The following CSMD2 variants were observed in gnomAD, a reference collection of about 807,000 sequenced individuals.
The protein encoded by CSMD2 is CUB and Sushi multiple domains 2, also known as CUB and sushi domain-containing protein 2.
A neutral mutation model predicts 398.5 loss-of-function variants in CSMD2; 130 were observed. The ratio of observed to expected loss-of-function variants is 0.33; its 90% CI spans 0.28 to 0.38. The LOEUF is 0.38. Ranked by LOEUF, CSMD2 falls within the 10% of genes least tolerant of loss-of-function variation. The pLI, the probability that CSMD2 is intolerant of heterozygous loss-of-function variation, is 1.00. For synonymous variants in CSMD2, 1,828 were observed against 1,908.5 expected, an observed-to-expected ratio of 0.96 and a Z score of 1.10; for missense variants, 3,829 against 4,764.9, an observed-to-expected ratio of 0.80 and a Z score of 5.78.
chr1:33,701,612 T>C (rs2149123843), intron 22 of CSMD2, among the ~76,000 whole-genome samples: 1 of 152,378 alleles, frequency 6.6e-6, no homozygotes, highest in South Asian at 2.1e-4. Flanking sequence ...GAAGCAAAGC[T>C]TTCTAAAAGA....
intron 10 of CSMD2, among the ~76,000 whole-genome samples, chr1:33,802,851 A>G (rs1452051050): frequency 6.6e-6 from 1 of 151,894 alleles, no homozygotes; most frequent in African/African-American, 2.4e-5. Context: ...ATTTTTTCCT[A>G]AGCCTACTAA....
chr1:33,895,251 C>T (rs1248649573), intron 5 of CSMD2, among the ~76,000 whole-genome samples: 3 of 152,242 alleles, frequency 2.0e-5, no homozygotes, highest in African/African-American at 4.8e-5. Flanking sequence ...CCCCAAATCC[C>T]GGAGCAGAGC....
At chr1:33,721,254 A>G (rs1022196611) in intron 19 of CSMD2, among the ~76,000 whole-genome samples, 13 of 152,154 alleles carry the variant, frequency 8.5e-5, no homozygotes, top group Non-Finnish European at 1.5e-5. Context: ...GTCATGCTAT[A>G]TACTGAGATC....
intron 8 of CSMD2, 127 bp downstream of exon 8, chr1:33,820,342 G>A: frequency 1.4e-6 from 1 of 711,120 alleles, no homozygotes; most frequent in African/African-American, 1.8e-5. Flanking sequence ...TCTTCTCCAG[G>A]AAGTGTCTGT....
intron 5 of CSMD2, among the ~76,000 whole-genome samples, chr1:33,874,167 A>G (rs1267059855): frequency 7.2e-5 from 11 of 152,228 alleles, no homozygotes; most frequent in Non-Finnish European, 1.5e-5. Flanking sequence ...ACAGTGCTCT[A>G]AAATTTAACA....
chr1:33,940,163 A>G (rs1230720691), intron 3 of CSMD2, among the ~76,000 whole-genome samples: 1 of 152,086 alleles, frequency 6.6e-6, no homozygotes, highest in Non-Finnish European at 1.5e-5. Context: ...CTTGGCTTGC[A>G]GATGCGTCAT....
At chr1:34,109,053 C>G (rs1660793730) in intron 1 of CSMD2, among the ~76,000 whole-genome samples, 1 of 152,124 alleles carries the variant, frequency 6.6e-6, no homozygotes, top group Non-Finnish European at 1.5e-5. Flanking sequence ...GCAGCCCAAC[C>G]CCCTCATTCC....
At position 33,649,773 on chromosome 1, in the gene CSMD2, T is replaced by C. The variant is rs545155622; in HGVS notation, c.4586+2550A>G. 3.3e-5 allele frequency among the ~76,000 whole-genome samples: 5 copies of C among 152,366 alleles called. No homozygotes were observed. In the South Asian group the frequency reaches 6.2e-4, roughly 19 times the overall value. The stretch of plus-strand genomic sequence containing the variant: ...TGTTGATGATACTGAGGACTTACTG[T>C]ACTCTATTTGAGATTGAGAGTAAAA... On this transcript the variant is annotated intron_variant, in intron 28 of 70. Coordinates refer to ENST00000373381, the MANE Select transcript of CSMD2 (RefSeq NM_001281956.2).
chr1:34,093,421 G>A (rs200035144), intron 1 of CSMD2, among the ~76,000 whole-genome samples: 2,678 of 152,246 alleles, frequency 0.018, 42 homozygotes, highest in East Asian at 0.052. Context: ...TGACTTTGAC[G>A]AGCTGAGAGA....
At chr1:33,554,427 T>C (rs1411469924) in intron 55 of CSMD2, among the ~76,000 whole-genome samples, 1 of 152,062 alleles carries the variant, frequency 6.6e-6, no homozygotes, top group Non-Finnish European at 1.5e-5. Context: ...TCTCCTGATC[T>C]TGTGATCCAC....
chr1:34,052,432 A>G (rs537919915), intron 2 of CSMD2, among the ~76,000 whole-genome samples: 1 of 148,082 alleles, frequency 6.8e-6, no homozygotes, highest in Non-Finnish European at 1.5e-5. Context: ...TAAGGGACTT[A>G]AGCATCTGCA....
intron 56 of CSMD2, 109 bp from the exon 57 acceptor site, chr1:33,546,328 A>G: frequency 9.1e-7 from 1 of 1,100,666 alleles, no homozygotes; most frequent in African/African-American, 1.6e-5. Flanking sequence ...AGTGGGTCCC[A>G]CGAATGAGGC....
At chr1:34,070,244 A>T (rs1029740676) in intron 2 of CSMD2, among the ~76,000 whole-genome samples, 4 of 152,228 alleles carry the variant, frequency 2.6e-5, no homozygotes, top group African/African-American at 9.6e-5. Flanking sequence ...CTTCTTGCCT[A>T]AGTGCAGGCA....
At position 33,714,717 on chromosome 1, in the gene CSMD2, G is replaced by A. The variant is rs202180267; in HGVS notation, c.3276C>T (p.Gly1092=). 5 of 1,614,150 alleles carry A rather than the reference G, an allele frequency of 3.1e-6. No individual in the cohort carries two copies. Among genetic ancestry groups the A allele is most frequent in the Non-Finnish European group, 4.2e-6 (5 of 1,180,040 alleles). ...AGGTGTCGCCCACGCCAAACTGCAA[G>A]CCCTTCCGGATGCTGTAGGCTGGGA... The part of the protein sequence containing the change: ...PEVPAYSIRK[G]LQFGVGDTLT... The change falls in exon 21 of 71, where the codon GGC becomes GGT. Residue 1092 remains glycine (G), a synonymous_variant. Coordinates refer to ENST00000373381, the MANE Select transcript of CSMD2 (RefSeq NM_001281956.2).
At chr1:33,802,741 G>A (rs548777798) in intron 10 of CSMD2, among the ~76,000 whole-genome samples, 2 of 152,190 alleles carry the variant, frequency 1.3e-5, no homozygotes, top group Non-Finnish European at 2.9e-5. Flanking sequence ...TCCTCGCAAA[G>A]GGAGCCCTGC....
chr1:34,138,774 GCC>G (rs1255206500), intron 1 of CSMD2, among the ~76,000 whole-genome samples: 1 of 152,150 alleles, frequency 6.6e-6, no homozygotes, highest in Non-Finnish European at 1.5e-5. Context: ...TTATTGAAGT[GCC>G]CATCACACTG....
rs1237582625 is a variant in CSMD2 at position 33,537,896 on chromosome 1, T to C, written c.9632-287A>G. Among the ~76,000 whole-genome samples the C allele has an allele frequency of 6.6e-6, 1 of 152,246 alleles. No individual in the cohort carries two copies. Among genetic ancestry groups the C allele is most frequent in the Non-Finnish European group, 1.5e-5 (1 of 68,042 alleles). ...AGAGAAATAAACGAAAATCCCACTA[T>C]TCAAAACTTTTTTTCCATTTTCACG... On this transcript the variant is annotated intron_variant, in intron 60 of 70. Transcript: ENST00000373381. This position sits in a 1 kb window ranked among gnomAD's most constrained non-coding sequence, Gnocchi z 4.6.
intron 67 of CSMD2, among the ~76,000 whole-genome samples, chr1:33,521,850 T>A (rs1256707485): frequency 6.6e-6 from 1 of 152,182 alleles, no homozygotes; most frequent in Non-Finnish European, 1.5e-5. Context: ...AGTACCTATG[T>A]CATAGGGTGG....
At chr1:33,872,686 GAA>G (rs1423631273) in intron 5 of CSMD2, among the ~76,000 whole-genome samples, 2 of 152,140 alleles carry the variant, frequency 1.3e-5, no homozygotes, top group Non-Finnish European at 2.9e-5. Flanking sequence ...CCTATGAGAA[GAA>G]ACACAGCTGG....
Sources: allele counts gnomAD v4.1 joint callset (sites outside exome capture counted in the v4.1 genomes callset), GRCh38; gene constraint gnomAD v4.1.1; non-coding constraint Gnocchi (gnomAD v3.1); transcripts MANE v1.5; gene names NCBI Gene and HGNC (gene_info 2026-07-23, HGNC 2026-07-21).